The following PAK5 variants were observed in gnomAD, a reference collection of about 807,000 sequenced individuals.
The protein encoded by PAK5 is serine/threonine-protein kinase PAK 5.
PAK5 carries 16 observed loss-of-function variants against 65.9 expected under a neutral mutation model. That is an observed-to-expected ratio of 0.24 (90% CI 0.16 to 0.37). The LOEUF (loss-of-function observed/expected upper bound fraction) is 0.37. Among genes scored for constraint, PAK5 ranks in the 10% least tolerant of loss-of-function variants. The probability of loss-of-function intolerance (pLI) is 1.00; values close to 1 mark genes in which losing one functional copy is unlikely to be tolerated. For missense variants in PAK5, 785 were observed against 903.9 expected (o/e 0.87, Z 1.69); for synonymous variants, 371 against 354.9 (o/e 1.05, Z -0.51).
chr20:9,739,701 G>A lies in PAK5; in HGVS notation c.-161-28266C>T, dbSNP rs113626179. Among the ~76,000 whole-genome samples, 804 of 152,110 alleles carry A rather than the reference G, an allele frequency of 5.3e-3. 7 individuals are homozygous for A. Among genetic ancestry groups the A allele is most frequent in the Middle Eastern group, 0.027 (8 of 294 alleles). ...TGTGACTGAATAATCAAACTTTTTT[G>A]AATAATCAATAATTTTCCAAGCATA... is the stretch of plus-strand genomic sequence containing the variant. On this transcript the variant is annotated intron_variant, in intron 1 of 9. Coordinates refer to ENST00000353224, the MANE Select transcript of PAK5 (RefSeq NM_177990.4).
At chr20:9,623,767 T>G (rs2123197393) in intron 3 of PAK5, among the ~76,000 whole-genome samples, 1 of 152,304 alleles carries the variant, frequency 6.6e-6, no homozygotes, top group African/African-American at 2.4e-5. Context: ...GATTTGAATA[T>G]GCAATTCACC....
intron 1 of PAK5, among the ~76,000 whole-genome samples, chr20:9,772,550 C>T (rs1173752668): frequency 6.6e-6 from 1 of 152,154 alleles, no homozygotes; most frequent in Non-Finnish European, 1.5e-5. Context: ...ATCTGGCTTC[C>T]CATTTGGTTA....
intron 1 of PAK5, among the ~76,000 whole-genome samples, chr20:9,737,596 T>C (rs1389788243): frequency 6.6e-6 from 1 of 152,158 alleles, no homozygotes; most frequent in Non-Finnish European, 1.5e-5. Flanking sequence ...GAAAATGTTT[T>C]AATTGCAGTA....
At chr20:9,808,918 T>C (rs889122951) in intron 1 of PAK5, among the ~76,000 whole-genome samples, 1 of 152,140 alleles carries the variant, frequency 6.6e-6, no homozygotes, top group Non-Finnish European at 1.5e-5. Context: ...GAAGAATGAT[T>C]ATCTCTAGAA....
At chr20:9,745,646 TG>T (rs1459191128) in intron 1 of PAK5, among the ~76,000 whole-genome samples, 1 of 152,150 alleles carries the variant, frequency 6.6e-6, no homozygotes, top group Non-Finnish European at 1.5e-5. Flanking sequence ...TGTACATGAA[TG>T]CCTTGGTGAA....
In PAK5 at chr20:9,838,801, C is replaced by G. The variant is rs1421667466; in HGVS notation, c.-201G>C. ...TCAGCGAAGCGGCGGTGCCTCAGCCCCTTCTCAGCTGCTACAGCGCTCCCA... is the reference window on the plus strand; with the variant it reads ...TCAGCGAAGCGGCGGTGCCTCAGCCGCTTCTCAGCTGCTACAGCGCTCCCA... On this transcript the variant is annotated 5_prime_UTR_variant, in exon 1 of 10. Coordinates refer to ENST00000353224, the MANE Select transcript of PAK5 (RefSeq NM_177990.4). This position sits in a 1 kb window ranked among gnomAD's most constrained non-coding sequence, Gnocchi z 4.5. 6.6e-6 allele frequency: 1 copy of G among 152,320 alleles called. No homozygotes were observed. Among genetic ancestry groups the G allele is most frequent in the African/African-American group, 2.4e-5 (1 of 41,456 alleles). 9.4% of individuals were successfully genotyped at this position (152,320 alleles called of 1,614,324 possible). A position where few individuals can be genotyped will look rare whatever the true frequency, so the allele number is the denominator to read the frequency against.
chr20:9,799,752 A>G (rs1334036384), intron 1 of PAK5, among the ~76,000 whole-genome samples: 1 of 151,754 alleles, frequency 6.6e-6, no homozygotes, highest in African/African-American at 2.4e-5. Flanking sequence ...GCAGCATGAC[A>G]CCCATAAAGA....
At chr20:9,630,888 C>T (rs367664046) in intron 3 of PAK5, among the ~76,000 whole-genome samples, 20 of 152,298 alleles carry the variant, frequency 1.3e-4, no homozygotes, top group African/African-American at 4.8e-4. Flanking sequence ...AGAATTTTTA[C>T]ACCGGTTATC....
At chr20:9,837,856 TTTGTTTATTATTCTGGCCA>T (rs757595365) in intron 1 of PAK5, among the ~76,000 whole-genome samples, 1 of 152,206 alleles carries the variant, frequency 6.6e-6, no homozygotes, top group Non-Finnish European at 1.5e-5. Flanking sequence ...AACTTTTCTT[TTTGTTTATTATTCTGGCCA>T]TAAAAAGACC....
At chr20:9,694,995 A>C (rs1600252339) in intron 2 of PAK5, among the ~76,000 whole-genome samples, 1 of 152,026 alleles carries the variant, frequency 6.6e-6, no homozygotes, top group African/African-American at 2.4e-5. Flanking sequence ...CAAAGTGCTC[A>C]ATTTACACTC....
At chr20:9,814,542 T>G (rs2049334010) in intron 1 of PAK5, among the ~76,000 whole-genome samples, 1 of 152,218 alleles carries the variant, frequency 6.6e-6, no homozygotes, top group African/African-American at 2.4e-5. Context: ...ATCACAACAC[T>G]GTTAACTATT....
chr20:9,587,412 A>G (rs2046089215), intron 3 of PAK5, among the ~76,000 whole-genome samples: 1 of 152,232 alleles, frequency 6.6e-6, no homozygotes, highest in South Asian at 2.1e-4. Context: ...TCAAATTAAC[A>G]ATCAGCATTC....
chr20:9,611,768 G>A (rs868424903), intron 3 of PAK5, among the ~76,000 whole-genome samples: 3 of 152,288 alleles, frequency 2.0e-5, no homozygotes, highest in Middle Eastern at 3.4e-3. Context: ...ATGGGAGTGT[G>A]AGAGCCCAAC....
chr20:9,806,596 G>T (rs1389180612), intron 1 of PAK5, among the ~76,000 whole-genome samples: 1 of 152,126 alleles, frequency 6.6e-6, no homozygotes, highest in African/African-American at 2.4e-5. Flanking sequence ...CCTGCAAAGA[G>T]ATAGCTCTTT....
intron 1 of PAK5, among the ~76,000 whole-genome samples, chr20:9,786,519 C>A (rs2048994266): frequency 6.6e-6 from 1 of 152,090 alleles, no homozygotes. Context: ...ATTAAAAATG[C>A]AGTATAGCAC....
At chr20:9,765,768 G>T (rs1008035116) in intron 1 of PAK5, among the ~76,000 whole-genome samples, 1 of 152,096 alleles carries the variant, frequency 6.6e-6, no homozygotes. Flanking sequence ...AATAGGAAGG[G>T]CATGTGACCT....
At chr20:9,747,420 G>A (rs1470435515) in intron 1 of PAK5, among the ~76,000 whole-genome samples, 1 of 151,688 alleles carries the variant, frequency 6.6e-6, no homozygotes, top group East Asian at 1.9e-4. Context: ...GATGAACATT[G>A]ATGCAAAAAT....
intron 1 of PAK5, among the ~76,000 whole-genome samples, chr20:9,745,462 A>C (rs2123599224): frequency 6.6e-6 from 1 of 152,274 alleles, no homozygotes. Context: ...CTTTACAGCT[A>C]TTAAATTAAG....
chr20:9,828,344 A>G (rs1978439726), intron 1 of PAK5, among the ~76,000 whole-genome samples: 3 of 152,208 alleles, frequency 2.0e-5, no homozygotes, highest in Admixed American at 2.0e-4. Flanking sequence ...CTCTATCTCT[A>G]ATACCTAGAG....
Sources: allele counts gnomAD v4.1 joint callset (sites outside exome capture counted in the v4.1 genomes callset), GRCh38; gene constraint gnomAD v4.1.1; non-coding constraint Gnocchi (gnomAD v3.1); transcripts MANE v1.5; gene names NCBI Gene and HGNC (gene_info 2026-07-23, HGNC 2026-07-21).